The following WDR64 variants were observed in gnomAD, a reference collection of about 807,000 sequenced individuals.
WDR64 encodes WD repeat-containing protein 64.
In WDR64, 112 loss-of-function variants were observed where a neutral mutation model predicts 139.3. The observed-to-expected ratio is 0.80, with a 90% CI of 0.69 to 0.94. The LOEUF (loss-of-function observed/expected upper bound fraction) is 0.94. Ranked by LOEUF, WDR64 falls within the 40% of genes least tolerant of loss-of-function variation. The pLI is 0.00. For missense variants in WDR64, 1,206 were observed against 1,293.1 expected, an observed-to-expected ratio of 0.93 and a Z score of 1.03; for synonymous variants, 444 against 437.7, an observed-to-expected ratio of 1.01 and a Z score of -0.18.
Position 241,749,741 on chromosome 1 carries a change from T to G in WDR64, c.1770+19T>G. 1 of 1,598,394 alleles carries G rather than the reference T, an allele frequency of 6.3e-7. No individual in the cohort carries two copies. The highest frequency in any genetic ancestry group is 2.3e-5 in the East Asian group (1 of 44,442). On this transcript the variant is annotated intron_variant, in intron 14 of 27. Transcript: ENST00000437684. ...GATCCAGGTTTACAATCCCACTTCA[T>G]ACTCGTACTGCAGGTGCCCTTTTTG...
chr1:241,780,683 TTATTGTTTCAAA>T (rs1225631995), intron 22 of WDR64, among the ~76,000 whole-genome samples: 1 of 152,190 alleles, frequency 6.6e-6, no homozygotes, highest in East Asian at 1.9e-4. Context: ...CTCAGAATAG[TTATTGTTTCAAA>T]TATTGTTTCA....
chr1:241,699,231 G>A (rs1218376359), intron 8 of WDR64, among the ~76,000 whole-genome samples: 1 of 152,108 alleles, frequency 6.6e-6, no homozygotes, highest in Non-Finnish European at 1.5e-5. Flanking sequence ...GTTGAAAGAT[G>A]TGTCTTTATA....
intron 18 of WDR64, 22 bp from the exon 19 acceptor site, chr1:241,771,639 C>T (rs2148300602): frequency 4.8e-6 from 7 of 1,473,438 alleles, no homozygotes; most frequent in Non-Finnish European, 6.3e-6. Flanking sequence ...GAAGTCTTTT[C>T]TCTTTTCCTC....
Position 241,792,396 on chromosome 1 carries a change from C to A in WDR64, c.2997+1700C>A, listed in dbSNP as rs567323566. ...CTAAAAATACAAAAAATCAGTGGGA[C>A]GTGGTGGTGTGCACCTGTAGTCCCA... On this transcript the variant is annotated intron_variant, in intron 25 of 27. Coordinates refer to ENST00000437684, the MANE Select transcript of WDR64 (RefSeq NM_001367482.1). Among the ~76,000 whole-genome samples the A allele has an allele frequency of 1.2e-4, 19 of 152,042 alleles. No individual in the cohort carries two copies. The East Asian group carries it at 3.7e-3, about 29-fold the overall frequency.
At chr1:241,788,291 G>C (rs1444050762) in intron 24 of WDR64, among the ~76,000 whole-genome samples, 1 of 152,212 alleles carries the variant, frequency 6.6e-6, no homozygotes. Context: ...ACTTGTTAGT[G>C]GGGGAAATTT....
At chr1:241,768,732 C>A (rs922896006) in intron 16 of WDR64, among the ~76,000 whole-genome samples, 2 of 152,042 alleles carry the variant, frequency 1.3e-5, no homozygotes, top group African/African-American at 2.4e-5. Flanking sequence ...GCTTTAAGAG[C>A]CAGGCATGAT....
intron 2 of WDR64, 160 bp downstream of exon 2, chr1:241,660,820 A>T (rs969305071): frequency 4.2e-6 from 3 of 716,454 alleles, no homozygotes; most frequent in Non-Finnish European, 6.8e-6. Context: ...ACTGCCCACA[A>T]ATGAAAGTGG....
intron 10 of WDR64, among the ~76,000 whole-genome samples, chr1:241,735,030 T>A (rs1198526732): frequency 1.3e-5 from 2 of 152,214 alleles, no homozygotes; most frequent in Admixed American, 1.3e-4. Flanking sequence ...CGAAAGTTGT[T>A]TAAAGATTAA....
intron 1 of WDR64, among the ~76,000 whole-genome samples, chr1:241,657,571 G>C (rs1665658814): frequency 6.6e-6 from 1 of 152,042 alleles, no homozygotes; most frequent in Non-Finnish European, 1.5e-5. Context: ...CTGCCTAAAA[G>C]GCTCTTGTCT....
Position 241,758,064 on chromosome 1 carries a change from C to CT in WDR64, c.1947+613dup, listed in dbSNP as rs539070217. 5.1e-4 allele frequency among the ~76,000 whole-genome samples: 78 copies of CT among 152,056 alleles called. 1 individual carries two copies. The East Asian group carries it at 0.011, about 22-fold the overall frequency. ...TTGGTTGGAAAAACCTGTTAAATAT[C>CT]TTTTTTTTCTCTCCTTGCAATTTAT... On this transcript the variant is annotated intron_variant, in intron 15 of 27. Coordinates refer to ENST00000437684, the MANE Select transcript of WDR64 (RefSeq NM_001367482.1).
chr1:241,797,775 T>G lies in WDR64; in HGVS notation c.3192+1405T>G, dbSNP rs116211087. ...ACAGTTGTATAAATAATCCAAAACCTTGTCTAGAGACCTGGAAATGAAAAA... is the reference window on the plus strand; with the variant it reads ...ACAGTTGTATAAATAATCCAAAACCGTGTCTAGAGACCTGGAAATGAAAAA... On this transcript the variant is annotated intron_variant, in intron 27 of 27. Coordinates refer to ENST00000437684, the MANE Select transcript of WDR64 (RefSeq NM_001367482.1). 8.4e-3 allele frequency among the ~76,000 whole-genome samples: 1,279 copies of G among 152,218 alleles called. 20 individuals are homozygous for G. The highest frequency in any genetic ancestry group is 0.029 in the African/African-American group (1,224 of 41,526).
rs1343769464 is a variant in WDR64, at chr1:241,769,416, A to C, written c.2094A>C (p.Glu698Asp). 1.3e-6 allele frequency: 2 copies of C among 1,551,290 alleles called. No homozygotes were observed. Among genetic ancestry groups the C allele is most frequent in the Admixed American group, 2.0e-5 (1 of 50,976 alleles). ...TSTVKKVYRP[E>D]DCFTVNPDLH... Reference sequence around the variant, plus strand: ...TACTTACTTCTAGGTACCGACCTGAAGATTGCTTCACTGTAAACCCTGACT... The same window carrying C: ...TACTTACTTCTAGGTACCGACCTGACGATTGCTTCACTGTAAACCCTGACT... Residue 698 changes from glutamate (E) to aspartate (D), a missense_variant, in exon 17 of 28, where the codon GAA becomes GAC. Transcript: ENST00000437684.
Position 241,760,993 on chromosome 1 carries a change from T to A in WDR64, c.1947+3534T>A, listed in dbSNP as rs368875140. The stretch of plus-strand genomic sequence containing the variant: ...CCAAGAAGAGGGATTGGTTGCTGGG[T>A]CAAAAAGTAAATGCTAATACAATCA... On this transcript the variant is annotated intron_variant, in intron 15 of 27. Transcript: ENST00000437684. Among the ~76,000 whole-genome samples the A allele has an allele frequency of 5.3e-5, 8 of 151,984 alleles. 1 individual carries two copies. Among genetic ancestry groups the A allele is most frequent in the African/African-American group, 1.7e-4 (7 of 41,476 alleles).
chr1:241,681,776 C>T (rs567876152), intron 6 of WDR64, among the ~76,000 whole-genome samples: 2 of 152,268 alleles, frequency 1.3e-5, no homozygotes, highest in South Asian at 2.1e-4. Flanking sequence ...TGCATCCACA[C>T]CAACGTCTAT....
chr1:241,735,855 C>CTCTCTCTCTG (rs1248435698), intron 10 of WDR64, among the ~76,000 whole-genome samples: 1 of 71,608 alleles, frequency 1.4e-5, no homozygotes, highest in African/African-American at 4.7e-5. Flanking sequence ...CTCTCTCTCT[C>CTCTCTCTCTG]TGTGTGTGTG....
intron 15 of WDR64, among the ~76,000 whole-genome samples, chr1:241,758,182 G>A (rs1033536243): frequency 6.6e-6 from 1 of 151,950 alleles, no homozygotes; most frequent in Non-Finnish European, 1.5e-5. Flanking sequence ...AAGTTCCGCT[G>A]TACTTCCTGC....
At chr1:241,713,369 GAGGAAGGGAAGGAAAGGAAGGA>G (rs1324600743) in intron 9 of WDR64, among the ~76,000 whole-genome samples, 23 of 120,714 alleles carry the variant, frequency 1.9e-4, no homozygotes, top group Non-Finnish European at 1.8e-5. Flanking sequence ...CAGAGGGAGG[GAGGAAGGGAAGGAAAGGAAGGA>G]AGGAAGGGAG....
chr1:241,757,360 T>C lies in WDR64; in HGVS notation c.1848T>C (p.His616=). 2 of 1,614,102 alleles carry C rather than the reference T, an allele frequency of 1.2e-6. No individual in the cohort carries two copies. Among genetic ancestry groups the C allele is most frequent in the Non-Finnish European group, 1.7e-6 (2 of 1,180,000 alleles). The change falls in exon 15 of 28, where the codon CAT becomes CAC. Residue 616 remains histidine (H), a synonymous_variant. Coordinates refer to ENST00000437684, the MANE Select transcript of WDR64 (RefSeq NM_001367482.1). The stretch of plus-strand genomic sequence containing the variant: ...TGCCTTTCCTACAAGATGGGAAACA[T>C]GCTGTGCATCTGAGAATGTCTACTA... ...DVVPFLQDGK[H]AVHLRMSTRD...
At chr1:241,652,926 C>A (rs1665420624) in intron 1 of WDR64, among the ~76,000 whole-genome samples, 1 of 152,236 alleles carries the variant, frequency 6.6e-6, no homozygotes, top group South Asian at 2.1e-4. Context: ...TCTGTAGACG[C>A]TGCCATTTGA....
Sources: allele counts gnomAD v4.1 joint callset (sites outside exome capture counted in the v4.1 genomes callset), GRCh38; gene constraint gnomAD v4.1.1; transcripts MANE v1.5; gene names NCBI Gene and HGNC (gene_info 2026-07-23, HGNC 2026-07-21).